The following RALGAPA2 variants were observed in gnomAD, a reference collection of about 807,000 sequenced individuals.
RALGAPA2 encodes ral GTPase-activating protein subunit alpha-2.
Under a neutral mutation model 230.4 loss-of-function variants are expected in RALGAPA2, and 139 were observed. The observed-to-expected ratio is 0.60, with a 90% confidence interval of 0.53 to 0.69. The LOEUF (loss-of-function observed/expected upper bound fraction) is 0.69. Ranked by LOEUF, RALGAPA2 falls within the 30% of genes least tolerant of loss-of-function variation. The pLI is 0.00. For synonymous variants in RALGAPA2, 847 were observed against 837.8 expected (o/e 1.01, Z -0.19); for missense variants, 2,163 against 2,276.0 (o/e 0.95, Z 1.01).
chr20:20,523,289 A>G (rs186774599), intron 30 of RALGAPA2, among the ~76,000 whole-genome samples: 9 of 152,356 alleles, frequency 5.9e-5, no homozygotes, highest in Admixed American at 4.6e-4. Context: ...ATCAGTGTGT[A>G]TGTGTGTAGA....
intron 34 of RALGAPA2, 71 bp downstream of exon 34, chr20:20,505,340 C>T (rs907287341): frequency 3.9e-5 from 54 of 1,373,016 alleles, no homozygotes; most frequent in Non-Finnish European, 4.5e-5. Flanking sequence ...TAAAAACTTA[C>T]ACAATGTCTA....
At chr20:20,489,190 A>G (rs1569439928) in intron 36 of RALGAPA2, among the ~76,000 whole-genome samples, 7 of 152,252 alleles carry the variant, frequency 4.6e-5, no homozygotes, top group Admixed American at 3.3e-4. Context: ...CAGCGTCTAC[A>G]GCACAGAGGA....
intron 35 of RALGAPA2, among the ~76,000 whole-genome samples, chr20:20,497,435 C>A (rs747726403): frequency 1.3e-5 from 2 of 152,132 alleles, no homozygotes; most frequent in Non-Finnish European, 2.9e-5. Flanking sequence ...CAGCCCTCAC[C>A]CTGCAAAGAC....
chr20:20,465,059 T>G (rs918864961), intron 37 of RALGAPA2, among the ~76,000 whole-genome samples: 2 of 151,818 alleles, frequency 1.3e-5, no homozygotes, highest in African/African-American at 4.8e-5. Flanking sequence ...AAAGTATCAT[T>G]TTATAAAATA....
intron 3 of RALGAPA2, among the ~76,000 whole-genome samples, chr20:20,658,258 T>G (rs1415294639): frequency 1.3e-5 from 2 of 152,238 alleles, no homozygotes; most frequent in Non-Finnish European, 2.9e-5. Context: ...TTACCCACAC[T>G]GATGCTTTTT....
intron 37 of RALGAPA2, among the ~76,000 whole-genome samples, chr20:20,459,103 T>C (rs2061240570): frequency 6.6e-6 from 1 of 151,820 alleles, no homozygotes; most frequent in Non-Finnish European, 1.5e-5. Context: ...AACCAAGTTA[T>C]CAAAATACAC....
At chr20:20,646,828 C>T (rs116839092) in intron 4 of RALGAPA2, among the ~76,000 whole-genome samples, 153 of 151,912 alleles carry the variant, frequency 1.0e-3, no homozygotes, top group African/African-American at 3.5e-3. Context: ...ACTAATGTTC[C>T]GCTGAACCAT....
At position 20,456,765 on chromosome 20, in the gene RALGAPA2, C is replaced by T. The variant is rs192525216; in HGVS notation, c.5495+16064G>A. Among the ~76,000 whole-genome samples the T allele has an allele frequency of 4.3e-3, 650 of 152,324 alleles. 5 individuals carry two copies. The highest frequency in any genetic ancestry group is 0.015 in the African/African-American group (620 of 41,574). On this transcript the variant is annotated intron_variant, in intron 37 of 39. Coordinates refer to ENST00000202677, the MANE Select transcript of RALGAPA2 (RefSeq NM_020343.4). Reference sequence around the variant, plus strand: ...AACCATCCAGCTGAGCCCAGTCAACCCACAGAACCATAGAAGAGCCTCCCT... The same window carrying T: ...AACCATCCAGCTGAGCCCAGTCAACTCACAGAACCATAGAAGAGCCTCCCT...
intron 36 of RALGAPA2, among the ~76,000 whole-genome samples, chr20:20,485,904 C>G (rs948017539): frequency 6.6e-6 from 1 of 152,150 alleles, no homozygotes; most frequent in Admixed American, 6.5e-5. Flanking sequence ...CTTTGGGAGG[C>G]CAGGGTGAGC....
rs757171932 is a variant in RALGAPA2 at position 20,524,868 on chromosome 20, G to A, written c.3724C>T (p.Pro1242Ser). The change falls in exon 29 of 40, where the codon CCA (proline) becomes TCA (serine). Residue 1242 changes from proline (P) to serine (S), a missense_variant. Physicochemically the swap from Pro to Ser is moderately conservative, Grantham distance 74 (BLOSUM62 -1). Coordinates refer to ENST00000202677, the MANE Select transcript of RALGAPA2 (RefSeq NM_020343.4). The stretch of plus-strand genomic sequence containing the variant: ...TCCACTGAGGAGTACTCTGCACTTG[G>A]TAAAAGAAAAGCAACTGTGGCCACG... The part of the protein sequence containing the change: ...ILVATVAFLL[P>S]SAEYSSVETD... 5.6e-6 allele frequency: 9 copies of A among 1,609,134 alleles called. No homozygotes were observed. Among genetic ancestry groups the A allele is most frequent in the Non-Finnish European group, 6.8e-6 (8 of 1,177,814 alleles).
chr20:20,402,489 T>C (rs2059865811), intron 38 of RALGAPA2, among the ~76,000 whole-genome samples: 1 of 152,200 alleles, frequency 6.6e-6, no homozygotes, highest in Non-Finnish European at 1.5e-5. Context: ...CTGCAGGGTC[T>C]TGAGGGCAGG....
At chr20:20,425,872 T>C (rs936978747) in intron 37 of RALGAPA2, among the ~76,000 whole-genome samples, 1 of 152,222 alleles carries the variant, frequency 6.6e-6, no homozygotes, top group African/African-American at 2.4e-5. Flanking sequence ...TGTTGGCCAG[T>C]TAATATTAAA....
At chr20:20,428,375 C>A (rs1201563145) in intron 37 of RALGAPA2, among the ~76,000 whole-genome samples, 1 of 152,084 alleles carries the variant, frequency 6.6e-6, no homozygotes, top group East Asian at 1.9e-4. Flanking sequence ...AAATCATTCT[C>A]TTGCAAATTA....
At chr20:20,557,318 A>G (rs201064831) in intron 23 of RALGAPA2, among the ~76,000 whole-genome samples, 18 of 151,972 alleles carry the variant, frequency 1.2e-4, no homozygotes, top group South Asian at 4.2e-4. Context: ...TAAAAAAAAA[A>G]GGGGTAAGTA....
chr20:20,619,219 C>A, intron 12 of RALGAPA2, 58 bp downstream of exon 12: 3 of 1,470,248 alleles, frequency 2.0e-6, no homozygotes, highest in Admixed American at 4.1e-5. Context: ...AACAAAAAGA[C>A]AAAATGGCTC....
chr20:20,686,839 C>T (rs2068719359), intron 1 of RALGAPA2, among the ~76,000 whole-genome samples: 1 of 152,182 alleles, frequency 6.6e-6, no homozygotes, highest in Non-Finnish European at 1.5e-5. Context: ...CAAAAACCTG[C>T]TTCAGCAGAC....
chr20:20,505,468 G>A lies in RALGAPA2; in HGVS notation c.4995C>T (p.Leu1665=), dbSNP rs1430268986. ...AEGQEDKCSI[L]SNERGSQAYE... ...ATGCTTGGCTTCCTCTTTCATTAGA[G>A]AGGATTGAACACTTGTCTTCTTGAC... Residue 1665 remains leucine, a synonymous_variant, in exon 34 of 40, where the codon CTC becomes CTT. Transcript: ENST00000202677. 1 of 1,604,526 alleles carries A rather than the reference G, an allele frequency of 6.2e-7. No individual in the cohort carries two copies. Among genetic ancestry groups the A allele is most frequent in the Admixed American group, 1.7e-5 (1 of 59,032 alleles).
chr20:20,703,943 C>T (rs908340809), intron 1 of RALGAPA2, among the ~76,000 whole-genome samples: 1 of 152,050 alleles, frequency 6.6e-6, no homozygotes, highest in Non-Finnish European at 1.5e-5. Flanking sequence ...TTAACATAAA[C>T]GTTAAATGCA....
intron 37 of RALGAPA2, among the ~76,000 whole-genome samples, chr20:20,463,754 T>C (rs1425201458): frequency 6.6e-6 from 1 of 152,224 alleles, no homozygotes; most frequent in African/African-American, 2.4e-5. Flanking sequence ...AGAAATATTG[T>C]CATTTATGGA....
Sources: allele counts gnomAD v4.1 joint callset (sites outside exome capture counted in the v4.1 genomes callset), GRCh38; gene constraint gnomAD v4.1.1; transcripts MANE v1.5; gene names NCBI Gene and HGNC (gene_info 2026-07-23, HGNC 2026-07-21).